Variants in EIF2AK4 observed in about 807,000 individuals in gnomAD.
EIF2AK4 encodes eukaryotic translation initiation factor 2 alpha kinase 4.
In EIF2AK4, 139 loss-of-function variants were observed where a neutral mutation model predicts 211.1. The observed-to-expected ratio is 0.66, with a 90% CI of 0.57 to 0.76. The LOEUF is 0.76. EIF2AK4 is among the 30% of genes least tolerant of loss of function. The pLI is 0.00. For synonymous variants in EIF2AK4, 710 were observed against 751.3 expected (o/e 0.94, Z 0.90); for missense variants, 1,664 against 2,043.8 (o/e 0.81, Z 3.58).
intron 21 of EIF2AK4, among the ~76,000 whole-genome samples, chr15:40,001,992 G>A (rs16970168): frequency 0.11 from 16,062 of 152,206 alleles, 1,611 homozygotes; most frequent in East Asian, 0.26. Flanking sequence ...TTAAAGTTGG[G>A]TGAGTAGGTA....
At chr15:40,019,244 C>T (rs545991550) in intron 30 of EIF2AK4, 44 bp downstream of exon 30, 1 of 1,426,076 alleles carries the variant, frequency 7.0e-7, no homozygotes, top group South Asian at 1.3e-5. Flanking sequence ...AGGTGTCTTT[C>T]ATTTCTAAAA....
chr15:39,969,397 G>T (rs896245924), intron 9 of EIF2AK4, among the ~76,000 whole-genome samples: 12 of 122,636 alleles, frequency 9.8e-5, no homozygotes, highest in African/African-American at 3.9e-4. Flanking sequence ...GTCTGGCTGT[G>T]TCGCCCAGGC....
intron 6 of EIF2AK4, 142 bp from the exon 7 acceptor site, chr15:39,961,642 C>T (rs2140909661): frequency 9.7e-6 from 6 of 616,070 alleles, no homozygotes; most frequent in South Asian, 4.0e-5. Context: ...TGTTAGACTG[C>T]GAGTGGGCTA....
At position 40,030,277 on chromosome 15, in the gene EIF2AK4, T is replaced by C. The variant is rs1420546077; in HGVS notation, c.4562-82T>C. 138 of 1,365,492 alleles carry C rather than the reference T, an allele frequency of 1.0e-4. 2 individuals carry two copies. In the South Asian group the frequency reaches 1.6e-3, roughly 16 times the overall value. 84.6% of individuals were successfully genotyped at this position (1,365,492 alleles called of 1,614,324 possible). The stretch of plus-strand genomic sequence containing the variant: ...AGAATCACGACAGGATGTCTACTAA[T>C]AAACTCTGCCATCTCTCTGTAGTAT... On this transcript the variant is annotated intron_variant, in intron 34 of 38. Transcript: ENST00000263791.
Position 40,032,802 on chromosome 15 carries a change from G to A in EIF2AK4, c.4773+1G>A. The A allele has an allele frequency of 2.5e-6, 4 of 1,612,926 alleles. No individual in the cohort carries two copies. Among genetic ancestry groups the A allele is most frequent in the South Asian group, 1.1e-5 (1 of 90,908 alleles). ...AATATTACAGTTTTTATCATTAGAG[G>A]TAAGCAATATGAACTCTTCTGCACT... On this transcript the variant is annotated splice_donor_variant, in intron 37 of 38. Coordinates refer to ENST00000263791, the MANE Select transcript of EIF2AK4 (RefSeq NM_001013703.4). LOFTEE classifies it high-confidence loss of function.
intron 13 of EIF2AK4, among the ~76,000 whole-genome samples, chr15:39,980,427 G>A (rs1240383719): frequency 6.6e-6 from 1 of 152,172 alleles, no homozygotes; most frequent in African/African-American, 2.4e-5. Context: ...TCCAAACAAT[G>A]CATCAAACAT....
intron 3 of EIF2AK4, among the ~76,000 whole-genome samples, chr15:39,944,071 T>C (rs2034187131): frequency 6.6e-6 from 1 of 152,226 alleles, no homozygotes; most frequent in South Asian, 2.1e-4. Context: ...TGTTGGAAAA[T>C]GTGGGCAGAC....
At position 39,978,086 on chromosome 15, in the gene EIF2AK4, C is replaced by A; in HGVS notation, c.2258C>A (p.Ser753Ter). Residue 753 changes from serine to a stop codon, truncating the protein, a stop_gained, in exon 13 of 39, where the codon TCA (serine) becomes TAA (stop). Transcript: ENST00000263791. LOFTEE classifies it high-confidence loss of function. ...CTGTTTCCCTTTTTCAGGCCTGCTT[C>A]AGATTCTGAAAGTGATATTATCTTT... is the stretch of plus-strand genomic sequence containing the variant. ...GVFSQSFLPA[S>*]DSESDIIFDN... 1 of 1,595,938 alleles carries A rather than the reference C, an allele frequency of 6.3e-7. No homozygotes were observed. The highest frequency in any genetic ancestry group is 1.1e-5 in the South Asian group (1 of 88,740).
At chr15:40,024,853 A>G (rs1430086494) in intron 32 of EIF2AK4, among the ~76,000 whole-genome samples, 2 of 151,670 alleles carry the variant, frequency 1.3e-5, no homozygotes, top group Non-Finnish European at 2.9e-5. Context: ...CAGCCTCCCG[A>G]GTAGCTGGGA....
chr15:39,944,524 C>T (rs777095780), intron 3 of EIF2AK4, among the ~76,000 whole-genome samples: 1 of 151,302 alleles, frequency 6.6e-6, no homozygotes, highest in Non-Finnish European at 1.5e-5. Context: ...CTCCGCCTCC[C>T]GGGTTCGCGC....
In EIF2AK4 at chr15:39,934,202, G is replaced by A. The variant is rs745785010; in HGVS notation, c.7G>A (p.Gly3Arg). 5.8e-6 allele frequency: 9 copies of A among 1,564,242 alleles called. No individual in the cohort carries two copies. Among genetic ancestry groups the A allele is most frequent in the Non-Finnish European group, 7.8e-6 (9 of 1,156,246 alleles). ...CCTTGGGCGCAGCGCTGCCATGGCT[G>A]GGGGCCGTGGGGCCCCCGGGCGCGG... MAGGRGAPGRGRD... is the reference protein window; with the variant it reads MARGRGAPGRGRD... The change falls in exon 1 of 39, where the codon GGG (glycine) becomes AGG (arginine). Residue 3 changes from glycine (G) to arginine (R), a missense_variant. By Grantham distance (125) the Gly-to-Arg change is moderately radical. This residue lies in a region of EIF2AK4 where 641 missense variants were observed against 729.6 expected (regional missense o/e 0.88). Transcript: ENST00000263791.
At chr15:39,970,662 A>G (rs756466719) in intron 9 of EIF2AK4, among the ~76,000 whole-genome samples, 1 of 152,192 alleles carries the variant, frequency 6.6e-6, no homozygotes, top group Non-Finnish European at 1.5e-5. Flanking sequence ...TTTTGTTTGG[A>G]TGGTTGTATG....
In EIF2AK4 at chr15:40,002,703, C is replaced by T; in HGVS notation, c.3160-10C>T. ...CTTCAATGATGATGTTTTAATCGGT[C>T]CTGTTTTAGGGCAACTTCTCAATCC... On this transcript the variant is annotated splice_polypyrimidine_tract_variant and intron_variant, in intron 21 of 38. Transcript: ENST00000263791. 6.2e-7 allele frequency: 1 copy of T among 1,613,986 alleles called. No homozygotes were observed. The highest frequency in any genetic ancestry group is 1.1e-5 in the South Asian group (1 of 91,058).
Position 40,008,015 on chromosome 15 carries a change from T to A in EIF2AK4, c.3408-12T>A. On this transcript the variant is annotated splice_polypyrimidine_tract_variant and intron_variant, in intron 24 of 38. Coordinates refer to ENST00000263791, the MANE Select transcript of EIF2AK4 (RefSeq NM_001013703.4). ...AAGCAATGACCTTAGAAATCTGGGT[T>A]TCTCTCTCCAGATACTGCATAGAAC... 1 of 1,514,224 alleles carries A rather than the reference T, an allele frequency of 6.6e-7. No individual in the cohort carries two copies. Among genetic ancestry groups the A allele is most frequent in the Non-Finnish European group, 8.8e-7 (1 of 1,130,744 alleles). 93.8% of individuals were successfully genotyped at this position (1,514,224 alleles called of 1,614,324 possible).
At chr15:40,024,348 T>C (rs538587761) in intron 32 of EIF2AK4, among the ~76,000 whole-genome samples, 2 of 151,624 alleles carry the variant, frequency 1.3e-5, no homozygotes, top group South Asian at 2.1e-4. Context: ...GGCTAACTTA[T>C]CTATCTTTAT....
chr15:40,032,726 A>G (rs754661527), intron 36 of EIF2AK4, 31 bp from the exon 37 acceptor site: 2 of 1,606,212 alleles, frequency 1.2e-6, no homozygotes, highest in African/African-American at 2.7e-5. Flanking sequence ...TGTGCTGCTG[A>G]GAGTTGATGT....
chr15:39,994,242 C>T (rs2034989506), intron 18 of EIF2AK4, among the ~76,000 whole-genome samples: 1 of 152,162 alleles, frequency 6.6e-6, no homozygotes, highest in Non-Finnish European at 1.5e-5. Context: ...TTGAAATCAG[C>T]ACACAGATAG....
chr15:39,976,584 G>A lies in EIF2AK4; in HGVS notation c.1989G>A (p.Ala663=). The A allele has an allele frequency of 3.7e-6, 6 of 1,610,568 alleles. No homozygotes were observed. The highest frequency in any genetic ancestry group is 5.1e-6 in the Non-Finnish European group (6 of 1,178,918). ...NAWIERHERP[A]GPGTPPPDSG... ...GGATCGAGCGGCACGAGCGGCCGGCGGGACCGGGGACGCCGCCCCCGGACT... is the reference window on the plus strand; with the variant it reads ...GGATCGAGCGGCACGAGCGGCCGGCAGGACCGGGGACGCCGCCCCCGGACT... Residue 663 remains alanine, a synonymous_variant, in exon 12 of 39, where the codon GCG becomes GCA. Transcript: ENST00000263791.
chr15:40,024,782 G>A (rs112821363), intron 32 of EIF2AK4, among the ~76,000 whole-genome samples: 1,959 of 147,624 alleles, frequency 0.013, 44 homozygotes, highest in African/African-American at 0.048. Flanking sequence ...ATGTTGGAGT[G>A]CAGTGGCGCG....
Sources: allele counts gnomAD v4.1 joint callset (sites outside exome capture counted in the v4.1 genomes callset), GRCh38; gene constraint gnomAD v4.1.1; regional missense constraint gnomAD v4.1.1; transcripts MANE v1.5; gene names NCBI Gene and HGNC (gene_info 2026-07-23, HGNC 2026-07-21).